Variants in RARS2 observed in about 807,000 individuals in gnomAD.
The protein encoded by RARS2 is probable arginine--tRNA ligase, mitochondrial.
RARS2 carries 67 observed loss-of-function variants against 88.5 expected under a neutral mutation model. The ratio of observed to expected loss-of-function variants is 0.76; its 90% CI spans 0.62 to 0.93. The LOEUF (loss-of-function observed/expected upper bound fraction) is 0.93. Among genes scored for constraint, RARS2 ranks in the 40% least tolerant of loss-of-function variants. The pLI is 0.00. For missense variants in RARS2, 664 were observed against 684.2 expected (o/e 0.97, Z 0.33); for synonymous variants, 239 against 230.3 (o/e 1.04, Z -0.34).
chr6:87,531,019 A>G, intron 8 of RARS2, 77 bp from the exon 9 acceptor site: 1 of 1,589,716 alleles, frequency 6.3e-7, no homozygotes, highest in Non-Finnish European at 8.6e-7. Flanking sequence ...AAGCAAAAAA[A>G]GCACATTCTG....
At chr6:87,542,308 G>A (rs543085935) in intron 7 of RARS2, among the ~76,000 whole-genome samples, 9 of 152,156 alleles carry the variant, frequency 5.9e-5, no homozygotes, top group African/African-American at 2.2e-4. Flanking sequence ...CACCACCCTA[G>A]CAGACATTAA....
chr6:87,577,882 T>C (rs1772074588), intron 1 of RARS2, among the ~76,000 whole-genome samples: 1 of 152,240 alleles, frequency 6.6e-6, no homozygotes, highest in South Asian at 2.1e-4. Context: ...CACAATTTCT[T>C]TTCTTACTGT....
intron 10 of RARS2, among the ~76,000 whole-genome samples, chr6:87,526,815 C>A (rs929384098): frequency 6.6e-6 from 1 of 151,548 alleles, no homozygotes; most frequent in African/African-American, 2.4e-5. Flanking sequence ...GGATTACAGG[C>A]ATGCCCCACC....
intron 1 of RARS2, among the ~76,000 whole-genome samples, chr6:87,575,819 A>T (rs1562253720): frequency 2.1e-5 from 3 of 145,538 alleles, no homozygotes; most frequent in Non-Finnish European, 3.0e-5. Context: ...TTGTGGATAA[A>T]TTTTTTTTTT....
chr6:87,586,818 T>C (rs1308002944), intron 1 of RARS2, among the ~76,000 whole-genome samples: 2 of 152,220 alleles, frequency 1.3e-5, no homozygotes. Flanking sequence ...TTTTTTCAGA[T>C]TTTGGAATAT....
intron 8 of RARS2, among the ~76,000 whole-genome samples, chr6:87,539,144 G>A (rs1276678898): frequency 1.3e-5 from 2 of 152,122 alleles, no homozygotes; most frequent in Non-Finnish European, 1.5e-5. Flanking sequence ...AACTTTTGAG[G>A]TGGGGAAGAA....
chr6:87,562,885 T>A (rs1788280396), intron 3 of RARS2, 100 bp from the exon 4 acceptor site: 1 of 850,270 alleles, frequency 1.2e-6, no homozygotes, highest in East Asian at 2.5e-5. Context: ...CACAAGTAAG[T>A]CATCTTTCAT....
chr6:87,514,324 A>AAAG lies in RARS2; in HGVS notation c.*88_*89insCTT. 4.1e-6 allele frequency: 4 copies of AAAG among 987,078 alleles called. No homozygotes were observed. Among genetic ancestry groups the AAAG allele is most frequent in the Non-Finnish European group, 6.1e-6 (4 of 657,702 alleles). The allele number at this position is 987,078 out of a possible 1,614,324, so 61.1% of individuals were successfully genotyped here. ...GAAACTCCATCTCAAAAAAAAAAAAAAAAAATTTAAATTTATTCTGAACAG... is the reference window on the plus strand; with the variant it reads ...GAAACTCCATCTCAAAAAAAAAAAAAAAGAAAAATTTAAATTTATTCTGAACAG... On this transcript the variant is annotated 3_prime_UTR_variant, in exon 20 of 20. Transcript: ENST00000369536.
intron 2 of RARS2, among the ~76,000 whole-genome samples, chr6:87,565,784 CG>C (rs1313357479): frequency 6.6e-6 from 1 of 152,190 alleles, no homozygotes; most frequent in Non-Finnish European, 1.5e-5. Context: ...GAATGAGACT[CG>C]ATGGGCAGAG....
chr6:87,516,397 G>A (rs1272332442), intron 18 of RARS2, among the ~76,000 whole-genome samples: 1 of 152,130 alleles, frequency 6.6e-6, no homozygotes, highest in African/African-American at 2.4e-5. Flanking sequence ...CAATGCTTAT[G>A]GATCCTTTAA....
At chr6:87,514,603 C>G (rs905377114) in intron 19 of RARS2, 104 bp from the exon 20 acceptor site, 1 of 1,033,826 alleles carries the variant, frequency 9.7e-7, no homozygotes. Flanking sequence ...AAAGCAGGAA[C>G]AATATGTCAA....
chr6:87,553,139 G>A (rs930290318), intron 5 of RARS2, among the ~76,000 whole-genome samples: 22 of 152,180 alleles, frequency 1.4e-4, no homozygotes, highest in African/African-American at 5.1e-4. Flanking sequence ...TTCAAGACTA[G>A]ATGATTTCAC....
intron 8 of RARS2, among the ~76,000 whole-genome samples, chr6:87,535,885 A>G (rs559206151): frequency 2.0e-5 from 3 of 151,862 alleles, no homozygotes; most frequent in Admixed American, 2.0e-4. Context: ...CAGTTTTGCC[A>G]CGTTGCTGAG....
chr6:87,524,672 AC>A lies in RARS2; in HGVS notation c.879-21del. On this transcript the variant is annotated intron_variant, in intron 10 of 19. Coordinates refer to ENST00000369536, the MANE Select transcript of RARS2 (RefSeq NM_020320.5). ...CCTTTTCTAGAAATTCGAAAAGGTAACTCTGAAGCAACATAATAAATTCAGA... is the reference window on the plus strand; with the variant it reads ...CCTTTTCTAGAAATTCGAAAAGGTAATCTGAAGCAACATAATAAATTCAGA... 6.6e-7 allele frequency: 1 copy of A among 1,512,686 alleles called. No individual in the cohort carries two copies. The highest frequency in any genetic ancestry group is 9.2e-7 in the Non-Finnish European group (1 of 1,088,690). The allele number at this position is 1,512,686 out of a possible 1,614,324, so 93.7% of individuals were successfully genotyped here. A position where few individuals can be genotyped will look rare whatever the true frequency, so the allele number is the denominator to read the frequency against.
At chr6:87,538,301 G>A (rs77013132) in intron 8 of RARS2, among the ~76,000 whole-genome samples, 3 of 152,104 alleles carry the variant, frequency 2.0e-5, no homozygotes, top group African/African-American at 4.8e-5. Flanking sequence ...GAATCTATTC[G>A]GCAAAAGAAC....
chr6:87,577,386 A>AT (rs1771893172), intron 1 of RARS2, among the ~76,000 whole-genome samples: 2 of 151,958 alleles, frequency 1.3e-5, no homozygotes, highest in Admixed American at 6.6e-5. Context: ...TGGAGACGGC[A>AT]TATCTCACCT....
Position 87,519,276 on chromosome 6 carries a change from G to A in RARS2, c.1237+307C>T, listed in dbSNP as rs956687408. 16 of 361,776 alleles carry A rather than the reference G, an allele frequency of 4.4e-5. No individual in the cohort carries two copies. The Admixed American group carries it at 6.3e-4, about 14-fold the overall frequency. The allele number at this position is 361,776 out of a possible 1,614,324, so 22.4% of individuals were successfully genotyped here. ...GGGTGAAGGTTAATTAAAGTCATAA[G>A]GACTGGTGACTTGTATCCAAATTAT... On this transcript the variant is annotated intron_variant, in intron 14 of 19. Coordinates refer to ENST00000369536, the MANE Select transcript of RARS2 (RefSeq NM_020320.5).
chr6:87,542,649 TAAAAAAAAAAAGA>T (rs1781355117), intron 7 of RARS2, among the ~76,000 whole-genome samples: 1 of 111,872 alleles, frequency 8.9e-6, no homozygotes, highest in Non-Finnish European at 1.9e-5. Flanking sequence ...AATTTGAACC[TAAAAAAAAAAAGA>T]AAAAAAAAAA....
At chr6:87,524,976 T>G (rs1775183420) in intron 10 of RARS2, among the ~76,000 whole-genome samples, 1 of 152,230 alleles carries the variant, frequency 6.6e-6, no homozygotes, top group South Asian at 2.1e-4. Context: ...TCACACATTC[T>G]CCTTCTAATT....
Sources: allele counts gnomAD v4.1 joint callset (sites outside exome capture counted in the v4.1 genomes callset), GRCh38; gene constraint gnomAD v4.1.1; transcripts MANE v1.5; gene names NCBI Gene and HGNC (gene_info 2026-07-23, HGNC 2026-07-21).